RUFY2: variants seen among roughly 807,000 people sequenced by gnomAD.
RUFY2 encodes RUN and FYVE domain containing 2, also known as RUN and FYVE domain-containing protein 2.
RUFY2 carries 49 observed loss-of-function variants against 94.4 expected under a neutral mutation model. That is an observed-to-expected ratio of 0.52 (90% CI 0.41 to 0.66). The LOEUF (loss-of-function observed/expected upper bound fraction) is 0.66. RUFY2 is among the 30% of genes least tolerant of loss of function. The pLI is 0.00. For synonymous variants in RUFY2, 255 were observed against 235.7 expected, an observed-to-expected ratio of 1.08 and a Z score of -0.75; for missense variants, 541 against 692.8, an observed-to-expected ratio of 0.78 and a Z score of 2.46.
chr10:68,359,038 C>G (rs2047247909), intron 15 of RUFY2, among the ~76,000 whole-genome samples: 2 of 151,942 alleles, frequency 1.3e-5, no homozygotes, highest in Admixed American at 1.3e-4. Flanking sequence ...CCTAAGTGTC[C>G]TAAAGAAAGG....
At chr10:68,400,568 C>T (rs770890725) in intron 3 of RUFY2, among the ~76,000 whole-genome samples, 2 of 149,266 alleles carry the variant, frequency 1.3e-5, no homozygotes, top group Non-Finnish European at 3.0e-5. Flanking sequence ...CCCAGCTACT[C>T]GGGAGGCTGA....
rs1185578349 is a variant in RUFY2, at chr10:68,344,684, C to A, written c.*1084G>T. 6.6e-6 allele frequency: 1 copy of A among 150,880 alleles called. No homozygotes were observed. Among genetic ancestry groups the A allele is most frequent in the Non-Finnish European group, 1.5e-5 (1 of 68,000 alleles). The allele number at this position is 150,880 out of a possible 1,614,324, so 9.3% of individuals were successfully genotyped here. ...AGGCAACAAGAGTGAAACTCCATCT[C>A]GAAAAAAAAAGAAATAGGTCAAGTG... On this transcript the variant is annotated 3_prime_UTR_variant, in exon 18 of 18. Transcript: ENST00000602465.
chr10:68,346,632 A>T (rs974371481), intron 16 of RUFY2: 2 of 152,332 alleles, frequency 1.3e-5, no homozygotes, highest in Non-Finnish European at 2.9e-5. Flanking sequence ...TAGTACAACA[A>T]CATTTTATTT....
At chr10:68,400,914 G>A (rs571955611) in intron 3 of RUFY2, among the ~76,000 whole-genome samples, 1 of 152,226 alleles carries the variant, frequency 6.6e-6, no homozygotes, top group Non-Finnish European at 1.5e-5. Flanking sequence ...TCGGGAGGCT[G>A]AGGCAGGAGA....
intron 7 of RUFY2, among the ~76,000 whole-genome samples, chr10:68,388,993 A>G (rs998598832): frequency 6.6e-6 from 1 of 152,166 alleles, no homozygotes; most frequent in Non-Finnish European, 1.5e-5. Flanking sequence ...CCAGAGCTCA[A>G]GTGATCTTCC....
intron 13 of RUFY2, among the ~76,000 whole-genome samples, chr10:68,367,393 T>C (rs2047922591): frequency 6.6e-6 from 1 of 152,220 alleles, no homozygotes. Context: ...ATGACTTAAA[T>C]GCTCCTTGTA....
chr10:68,389,034 A>G (rs2132966493), intron 7 of RUFY2, among the ~76,000 whole-genome samples: 1 of 151,880 alleles, frequency 6.6e-6, no homozygotes, highest in East Asian at 1.9e-4. Flanking sequence ...CTGAGACTAC[A>G]GACACACAAC....
chr10:68,367,265 G>C (rs981130777), intron 13 of RUFY2, among the ~76,000 whole-genome samples: 4 of 152,148 alleles, frequency 2.6e-5, no homozygotes, highest in African/African-American at 7.2e-5. Context: ...CAGAGTACCA[G>C]AGTTTCAAGA....
In RUFY2 at chr10:68,379,534, A is replaced by G. The variant is rs746205169; in HGVS notation, c.1108-13T>C. ...CATCTTCAGAACCCTATTTATAAAAACAAAAGCTATGGTGGTTTTGATTTG... is the reference window on the plus strand; with the variant it reads ...CATCTTCAGAACCCTATTTATAAAAGCAAAAGCTATGGTGGTTTTGATTTG... On this transcript the variant is annotated splice_polypyrimidine_tract_variant and intron_variant, in intron 11 of 17. Transcript: ENST00000602465. 6.3e-7 allele frequency: 1 copy of G among 1,581,548 alleles called. No homozygotes were observed. Among genetic ancestry groups the G allele is most frequent in the Admixed American group, 1.7e-5 (1 of 57,420 alleles).
intron 12 of RUFY2, chr10:68,378,015 T>C: frequency 1.0e-6 from 1 of 985,328 alleles, no homozygotes; most frequent in Non-Finnish European, 1.2e-6. Flanking sequence ...TTCTCTAAGG[T>C]TACAAAAAGG....
chr10:68,371,391 C>T (rs1479044235), intron 13 of RUFY2, among the ~76,000 whole-genome samples: 1 of 150,982 alleles, frequency 6.6e-6, no homozygotes, highest in Non-Finnish European at 1.5e-5. Flanking sequence ...CACTGCACTC[C>T]AACCTGGGCG....
At position 68,364,014 on chromosome 10, in the gene RUFY2, A is replaced by T. The variant is rs1250824962; in HGVS notation, c.1425T>A (p.Asn475Lys). 1 of 1,606,944 alleles carries T rather than the reference A, an allele frequency of 6.2e-7. No homozygotes were observed. Reference protein sequence around the residue: ...KEKDALSHLRNETQQIISLKK... With the variant: ...KEKDALSHLRKETQQIISLKK... Reference sequence around the variant, plus strand: ...TAAGACTAATGATTTGTTGAGTCTCATTTCTAAGATGAGATAAGGCATCTT... The same window carrying T: ...TAAGACTAATGATTTGTTGAGTCTCTTTTCTAAGATGAGATAAGGCATCTT... Residue 475 changes from asparagine (N) to lysine (K), a missense_variant, in exon 14 of 18, where the codon AAT becomes AAA. By Grantham distance (94) the Asn-to-Lys change is moderately conservative (BLOSUM62 0). This residue lies in a region of RUFY2 where 403 missense variants were observed against 480.7 expected (regional missense o/e 0.84). Coordinates refer to ENST00000602465, the MANE Select transcript of RUFY2 (RefSeq NM_001330103.2).
intron 15 of RUFY2, among the ~76,000 whole-genome samples, chr10:68,359,058 T>A (rs2047250116): frequency 6.6e-6 from 1 of 152,030 alleles, no homozygotes; most frequent in South Asian, 2.1e-4. Flanking sequence ...GAGCATCGGT[T>A]ACAATCCCAA....
intron 1 of RUFY2, among the ~76,000 whole-genome samples, 188 bp from the exon 2 acceptor site, chr10:68,405,032 C>T (rs558958806): frequency 6.6e-6 from 1 of 151,972 alleles, no homozygotes; most frequent in Non-Finnish European, 1.5e-5. Context: ...AAAAAATTTC[C>T]GGCCAGGCGC....
chr10:68,341,796 A>T, downstream of RUFY2: 2 of 1,609,928 alleles, frequency 1.2e-6, no homozygotes, highest in Non-Finnish European at 8.5e-7. Context: ...GAAGAATGGG[A>T]ATGGGGAACA....
chr10:68,398,394 G>A (rs1162091121), intron 3 of RUFY2, among the ~76,000 whole-genome samples: 1 of 152,154 alleles, frequency 6.6e-6, no homozygotes, highest in East Asian at 1.9e-4. Context: ...GCTCACGCCT[G>A]TAATCCCAGC....
chr10:68,393,213 G>C lies in RUFY2; in HGVS notation c.585-10C>G. On this transcript the variant is annotated splice_polypyrimidine_tract_variant and intron_variant, in intron 6 of 17. Coordinates refer to ENST00000602465, the MANE Select transcript of RUFY2 (RefSeq NM_001330103.2). ...AGCAATTTGAACATTCCTAAATGAG[G>C]AAAAAAGTAGCTTTGTGCTAGTTGA... The C allele has an allele frequency of 6.7e-7, 1 of 1,494,340 alleles. No individual in the cohort carries two copies. The highest frequency in any genetic ancestry group is 1.2e-5 in the South Asian group (1 of 80,348). 92.6% of individuals were successfully genotyped at this position (1,494,340 alleles called of 1,614,324 possible).
chr10:68,402,885 T>TCCCAGAC (rs71009055), intron 2 of RUFY2, among the ~76,000 whole-genome samples: 96,574 of 136,194 alleles, frequency 0.71, 35,831 homozygotes, highest in East Asian at 0.85. Context: ...ACTCTGTGTC[T>TCCCAGAC]CCCAGACTGG....
chr10:68,398,835 T>C (rs1276516937), intron 3 of RUFY2, among the ~76,000 whole-genome samples: 1 of 152,148 alleles, frequency 6.6e-6, no homozygotes, highest in African/African-American at 2.4e-5. Context: ...AGCATTTTAA[T>C]GAACACCATC....
Sources: gnomAD v4.1 joint callset for allele counts (sites outside exome capture counted in the v4.1 genomes callset) on GRCh38, gnomAD v4.1.1 for gene constraint, gnomAD v4.1.1 regional missense constraint, MANE v1.5 for transcripts, NCBI Gene and HGNC (gene_info 2026-07-23, HGNC 2026-07-21) for gene names.